The following TMTC4 variants were observed in gnomAD, a reference collection of about 807,000 sequenced individuals.
TMTC4 encodes the protein transmembrane O-mannosyltransferase targeting cadherins 4.
Under a neutral mutation model 86.0 loss-of-function variants are expected in TMTC4, and 65 were observed. The observed-to-expected ratio is 0.76, with a 90% confidence interval of 0.62 to 0.93. The LOEUF (loss-of-function observed/expected upper bound fraction) is 0.93, where lower values mean the gene tolerates loss of function less well. Ranked by LOEUF, TMTC4 falls within the 40% of genes least tolerant of loss-of-function variation. The probability of loss-of-function intolerance (pLI) is 0.00; values close to 1 mark genes in which losing one functional copy is unlikely to be tolerated. For missense variants in TMTC4, 866 were observed against 948.1 expected (o/e 0.91, Z 1.14); for synonymous variants, 379 against 382.5 (o/e 0.99, Z 0.11).
At chr13:100,614,195 C>A in intron 16 of TMTC4, 121 bp downstream of exon 16, 1 of 739,036 alleles carries the variant, frequency 1.4e-6, no homozygotes, top group Non-Finnish European at 2.2e-6. Flanking sequence ...TAATTAACTT[C>A]ACATTAATTT....
chr13:100,668,768 G>A lies in TMTC4; in HGVS notation c.30C>T (p.Ala10=), dbSNP rs377084630. ...TGAAAACTGCAGGTTGGTGGCTCCC[G>A]GCTCCAGCATTATGCTGGTTAGGAA... MIPNQHNAG[A]GSHQPAVFRM... Residue 10 remains alanine, a synonymous_variant, in exon 3 of 19, where the codon GCC becomes GCT. Coordinates refer to ENST00000342624, the MANE Select transcript of TMTC4 (RefSeq NM_032813.5). 1.5e-5 allele frequency: 25 copies of A among 1,614,052 alleles called. No individual in the cohort carries two copies. The highest frequency in any genetic ancestry group is 4.0e-5 in the African/African-American group (3 of 74,930).
chr13:100,650,751 A>G (rs1884335230), intron 6 of TMTC4, among the ~76,000 whole-genome samples: 2 of 152,378 alleles, frequency 1.3e-5, no homozygotes, highest in East Asian at 1.9e-4. Context: ...GAGAATCTGC[A>G]TGACTCCCAC....
At chr13:100,650,509 C>T (rs947905471) in intron 6 of TMTC4, among the ~76,000 whole-genome samples, 7 of 152,234 alleles carry the variant, frequency 4.6e-5, no homozygotes, top group Non-Finnish European at 5.9e-5. Flanking sequence ...GCATCTCCAC[C>T]GCTCAAAACT....
intron 12 of TMTC4, among the ~76,000 whole-genome samples, chr13:100,631,254 G>C (rs1881317385): frequency 6.6e-6 from 1 of 152,150 alleles, no homozygotes; most frequent in South Asian, 2.1e-4. Flanking sequence ...GTTATGAAAG[G>C]CACCTTTAAT....
rs991420239 is a variant in TMTC4, at chr13:100,674,777, T to C, written c.-241A>G. 1.0e-6 allele frequency: 1 copy of C among 983,312 alleles called. No individual in the cohort carries two copies. Among genetic ancestry groups the C allele is most frequent in the African/African-American group, 1.8e-5 (1 of 56,910 alleles). 60.9% of individuals were successfully genotyped at this position (983,312 alleles called of 1,614,324 possible). ...AGCCTGAGCCCCGGCCGCATCTCCC[T>C]CCCGGGTGCGGAAACTCTGGCGGCT... On this transcript the variant is annotated 5_prime_UTR_variant, in exon 1 of 19. Transcript: ENST00000342624.
chr13:100,604,811 C>A lies in TMTC4; in HGVS notation c.*183G>T, dbSNP rs1290055903. The A allele has an allele frequency of 2.0e-6, 1 of 499,100 alleles. No homozygotes were observed. Among genetic ancestry groups the A allele is most frequent in the Non-Finnish European group, 3.2e-6 (1 of 312,492 alleles). 30.9% of individuals were successfully genotyped at this position (499,100 alleles called of 1,614,324 possible). A position where few individuals can be genotyped will look rare whatever the true frequency, so the allele number is the denominator to read the frequency against. The stretch of plus-strand genomic sequence containing the variant: ...AAAAAATACAATTTCAATGAAAAAT[C>A]ATATCACGCATTCAAGAGTATATTG... On this transcript the variant is annotated 3_prime_UTR_variant, in exon 19 of 19. Transcript: ENST00000342624.
chr13:100,667,315 G>T (rs1886503348), intron 3 of TMTC4, among the ~76,000 whole-genome samples: 1 of 152,090 alleles, frequency 6.6e-6, no homozygotes, highest in Non-Finnish European at 1.5e-5. Context: ...TGTAGTCCCA[G>T]CTACTTGGGA....
At chr13:100,652,511 T>G (rs190863507) in intron 6 of TMTC4, among the ~76,000 whole-genome samples, 1 of 152,264 alleles carries the variant, frequency 6.6e-6, no homozygotes, top group Non-Finnish European at 1.5e-5. Context: ...TGCGACTGTT[T>G]AAGATATCTC....
intron 6 of TMTC4, among the ~76,000 whole-genome samples, chr13:100,646,799 A>G (rs1883810866): frequency 6.6e-6 from 1 of 152,218 alleles, no homozygotes. Context: ...GATCACAATA[A>G]GGAGCCACAA....
At chr13:100,619,615 G>A (rs964468329) in intron 15 of TMTC4, among the ~76,000 whole-genome samples, 4 of 151,092 alleles carry the variant, frequency 2.6e-5, no homozygotes, top group Non-Finnish European at 5.9e-5. Context: ...GAAAAAGAAA[G>A]CTTTAATGAA....
intron 1 of TMTC4, chr13:100,674,191 C>T: frequency 1.1e-6 from 1 of 931,630 alleles, no homozygotes. Flanking sequence ...CCGGTGGCCC[C>T]GCGCTCGCGC....
At position 100,636,802 on chromosome 13, in the gene TMTC4, A is replaced by G. The variant is rs572681586; in HGVS notation, c.1000-68T>C. 64 of 1,539,272 alleles carry G rather than the reference A, an allele frequency of 4.2e-5. No homozygotes were observed. In the Middle Eastern group the frequency reaches 6.9e-4, roughly 17 times the overall value. On this transcript the variant is annotated intron_variant, in intron 9 of 18. Transcript: ENST00000342624. ...TTAAAAAACACATATATACGCACTAACTTCACTTTGGAGGCACTCATATGC... is the reference window on the plus strand; with the variant it reads ...TTAAAAAACACATATATACGCACTAGCTTCACTTTGGAGGCACTCATATGC...
chr13:100,621,550 T>C (rs1264927782), intron 15 of TMTC4, among the ~76,000 whole-genome samples: 1 of 152,154 alleles, frequency 6.6e-6, no homozygotes, highest in Non-Finnish European at 1.5e-5. Context: ...CTCAGCCTCC[T>C]GAGTAGCTGG....
chr13:100,633,683 C>T lies in TMTC4; in HGVS notation c.1506+1122G>A, dbSNP rs149339257. Among the ~76,000 whole-genome samples, 874 of 152,308 alleles carry T rather than the reference C, an allele frequency of 5.7e-3. 5 individuals carry two copies. Among genetic ancestry groups the T allele is most frequent in the South Asian group, 0.019 (91 of 4,820 alleles). On this transcript the variant is annotated intron_variant, in intron 12 of 18. Transcript: ENST00000342624. ...ATTGTTTGAACATCATAAGAGTGTACTTACACAACCCTAGATGGTAAAGCC... is the reference window on the plus strand; with the variant it reads ...ATTGTTTGAACATCATAAGAGTGTATTTACACAACCCTAGATGGTAAAGCC...
At chr13:100,655,159 C>T (rs1361200369) in intron 6 of TMTC4, among the ~76,000 whole-genome samples, 2 of 151,634 alleles carry the variant, frequency 1.3e-5, no homozygotes, top group African/African-American at 4.9e-5. Context: ...GTAGCTGGGA[C>T]TACAGGCACA....
intron 6 of TMTC4, among the ~76,000 whole-genome samples, chr13:100,653,868 C>G (rs1046624022): frequency 1.3e-5 from 2 of 152,202 alleles, no homozygotes; most frequent in African/African-American, 4.8e-5. Context: ...GCCCAACAAT[C>G]AGTTTCAGGG....
intron 16 of TMTC4, among the ~76,000 whole-genome samples, chr13:100,613,793 C>T (rs1878015251): frequency 7.5e-6 from 1 of 132,990 alleles, no homozygotes; most frequent in African/African-American, 2.7e-5. Flanking sequence ...TTCCTTCCTG[C>T]CTTTCTTCCT....
chr13:100,671,215 CTTCA>C (rs1887055887), intron 1 of TMTC4, among the ~76,000 whole-genome samples: 1 of 152,162 alleles, frequency 6.6e-6, no homozygotes, highest in African/African-American at 2.4e-5. Context: ...CCCAGACTAG[CTTCA>C]ACTTTTGGGC....
At chr13:100,664,050 C>A (rs1205619137) in intron 4 of TMTC4, among the ~76,000 whole-genome samples, 171 bp downstream of exon 4, 1 of 152,090 alleles carries the variant, frequency 6.6e-6, no homozygotes, top group African/African-American at 2.4e-5. Flanking sequence ...TTCACAGGGG[C>A]CACGCTGGCC....
Sources: gnomAD v4.1 joint callset for allele counts (sites outside exome capture counted in the v4.1 genomes callset) on GRCh38, gnomAD v4.1.1 for gene constraint, MANE v1.5 for transcripts, NCBI Gene and HGNC (gene_info 2026-07-23, HGNC 2026-07-21) for gene names.